The following SLAMF6 variants were observed in gnomAD, a reference collection of about 807,000 sequenced individuals.
SLAMF6 encodes the protein SLAM family member 6.
In SLAMF6, 21 loss-of-function variants were observed where a neutral mutation model predicts 38.3. The observed-to-expected ratio is 0.55, with a 90% CI of 0.39 to 0.79. The LOEUF (loss-of-function observed/expected upper bound fraction) is 0.79, where lower values mean the gene tolerates loss of function less well. SLAMF6 is among the 30% of genes least tolerant of loss of function. The probability of loss-of-function intolerance (pLI) is 0.00; values close to 1 mark genes in which losing one functional copy is unlikely to be tolerated. For missense variants in SLAMF6, 341 were observed against 385.3 expected (o/e 0.89, Z 0.96); for synonymous variants, 152 against 146.3 (o/e 1.04, Z -0.28).
In SLAMF6 at chr1:160,496,121, T is replaced by C; in HGVS notation, c.322A>G (p.Arg108Gly). Residue 108 changes from arginine to glycine, a missense_variant, in exon 2 of 8, where the codon AGA (arginine) becomes GGA (glycine). By Grantham distance (125) the Arg-to-Gly change is moderately radical. Transcript: ENST00000368057. Reference protein sequence around the residue: ...NLKMEDTGSYRAQISTKTSAK... With the variant: ...NLKMEDTGSYGAQISTKTSAK... ...GAGGTCTTTGTGGATATCTGGGCTC[T>C]GTAAGAGCCTGTGTCTTCCATCTTC... is the stretch of plus-strand genomic sequence containing the variant. The C allele has an allele frequency of 3.1e-6, 5 of 1,614,022 alleles. No homozygotes were observed. Among genetic ancestry groups the C allele is most frequent in the South Asian group, 1.1e-5 (1 of 91,086 alleles).
intron 1 of SLAMF6, among the ~76,000 whole-genome samples, chr1:160,503,720 G>A (rs546627725): frequency 5.3e-5 from 8 of 152,070 alleles, no homozygotes; most frequent in Non-Finnish European, 1.0e-4. Context: ...CACACAGAGT[G>A]AGCAAACATT....
intron 2 of SLAMF6, among the ~76,000 whole-genome samples, chr1:160,491,608 A>C (rs1448351973): frequency 1.3e-5 from 2 of 152,218 alleles, no homozygotes; most frequent in African/African-American, 4.8e-5. Flanking sequence ...GATAGTCAGC[A>C]GAAGAAGTGG....
At chr1:160,499,829 G>A (rs1653790678) in intron 1 of SLAMF6, among the ~76,000 whole-genome samples, 1 of 152,164 alleles carries the variant, frequency 6.6e-6, no homozygotes, top group Admixed American at 6.5e-5. Flanking sequence ...ATTGTCATAT[G>A]GGTTCCAGGC....
At chr1:160,494,297 C>G (rs1653451744) in intron 2 of SLAMF6, among the ~76,000 whole-genome samples, 1 of 152,138 alleles carries the variant, frequency 6.6e-6, no homozygotes, top group African/African-American at 2.4e-5. Flanking sequence ...GTGGCTGTCA[C>G]AAGATAAGTC....
At chr1:160,509,875 AT>A (rs2102055597) in intron 1 of SLAMF6, among the ~76,000 whole-genome samples, 1 of 152,276 alleles carries the variant, frequency 6.6e-6, no homozygotes, top group Non-Finnish European at 1.5e-5. Flanking sequence ...AAAGAATAAA[AT>A]AGAAAAGATT....
chr1:160,486,905 AT>A, intron 7 of SLAMF6, 151 bp from the exon 8 acceptor site: 2 of 1,015,216 alleles, frequency 2.0e-6, no homozygotes, highest in East Asian at 2.6e-5. Context: ...AAAACATGTA[AT>A]TGAAAACTCA....
intron 6 of SLAMF6, 45 bp from the exon 7 acceptor site, chr1:160,487,220 G>A: frequency 6.7e-7 from 1 of 1,483,428 alleles, no homozygotes; most frequent in Non-Finnish European, 9.3e-7. Flanking sequence ...GAGACAAAGA[G>A]ATTAATGCAT....
intron 1 of SLAMF6, among the ~76,000 whole-genome samples, chr1:160,512,476 C>A (rs575151698): frequency 1.3e-5 from 2 of 152,190 alleles, no homozygotes; most frequent in African/African-American, 2.4e-5. Context: ...GGATCCCCCC[C>A]ACCACAGCAC....
chr1:160,486,341 A>G lies in SLAMF6; in HGVS notation c.*366T>C. On this transcript the variant is annotated 3_prime_UTR_variant, in exon 8 of 8. Coordinates refer to ENST00000368057, the MANE Select transcript of SLAMF6 (RefSeq NM_001184714.2). ...ACACTGCATTATTTCTCAATAAGTCAATCCTGCTGCTTTCTAAAAGGAGAG... is the reference window on the plus strand; with the variant it reads ...ACACTGCATTATTTCTCAATAAGTCGATCCTGCTGCTTTCTAAAAGGAGAG... The G allele has an allele frequency of 4.4e-6, 1 of 227,908 alleles. No homozygotes were observed. Among genetic ancestry groups the G allele is most frequent in the Non-Finnish European group, 8.7e-6 (1 of 114,498 alleles). The allele number at this position is 227,908 out of a possible 1,614,324, so 14.1% of individuals were successfully genotyped here.
intron 1 of SLAMF6, among the ~76,000 whole-genome samples, chr1:160,498,145 C>T (rs899147800): frequency 6.6e-6 from 1 of 151,362 alleles, no homozygotes; most frequent in African/African-American, 2.4e-5. Flanking sequence ...GGACCTAGCA[C>T]CTGTTTTTTT....
rs184498167 is a variant in SLAMF6, at chr1:160,490,705, A to G, written c.647-20T>C. 3.3e-5 allele frequency: 53 copies of G among 1,610,458 alleles called. No homozygotes were observed. In the African/African-American group the frequency reaches 6.7e-4, roughly 20 times the overall value. On this transcript the variant is annotated intron_variant, in intron 3 of 7. Coordinates refer to ENST00000368057, the MANE Select transcript of SLAMF6 (RefSeq NM_001184714.2). Reference sequence around the variant, plus strand: ...TAACATCTGAAAAGAGAAAAAAGAAATGACATTTGAGACACATCAAGTGAG... The same window carrying G: ...TAACATCTGAAAAGAGAAAAAAGAAGTGACATTTGAGACACATCAAGTGAG...
chr1:160,490,303 C>T (rs2102016446), intron 4 of SLAMF6, 67 bp from the exon 5 acceptor site: 15 of 1,608,468 alleles, frequency 9.3e-6, no homozygotes, highest in Admixed American at 1.7e-5. Context: ...CCCCTAACCC[C>T]GTGAGTGTTG....
chr1:160,486,349 T>G lies in SLAMF6; in HGVS notation c.*358A>C, dbSNP rs971390529. ...TTATTTCTCAATAAGTCAATCCTGC[T>G]GCTTTCTAAAAGGAGAGAAGTGGTT... On this transcript the variant is annotated 3_prime_UTR_variant, in exon 8 of 8. Coordinates refer to ENST00000368057, the MANE Select transcript of SLAMF6 (RefSeq NM_001184714.2). 5 of 239,426 alleles carry G rather than the reference T, an allele frequency of 2.1e-5. No homozygotes were observed. The highest frequency in any genetic ancestry group is 4.1e-5 in the Non-Finnish European group (5 of 121,316). 14.8% of individuals were successfully genotyped at this position (239,426 alleles called of 1,614,324 possible). A position where few individuals can be genotyped will look rare whatever the true frequency, so the allele number is the denominator to read the frequency against.
chr1:160,487,180 A>G lies in SLAMF6; in HGVS notation c.880-5T>C, dbSNP rs746551908. On this transcript the variant is annotated splice_region_variant and splice_polypyrimidine_tract_variant and intron_variant, in intron 6 of 7. Transcript: ENST00000368057. ...AGGTGTCCAGATTTCTGTTTCCTGT[A>G]AAAAGAATCATACCAATTTGGCTTA... 2.5e-6 allele frequency: 4 copies of G among 1,612,216 alleles called. No individual in the cohort carries two copies. Among genetic ancestry groups the G allele is most frequent in the South Asian group, 1.1e-5 (1 of 90,880 alleles).
Position 160,489,185 on chromosome 1 carries a change from A to G in SLAMF6, c.797-15T>C, listed in dbSNP as rs751470262. 6.2e-7 allele frequency: 1 copy of G among 1,613,712 alleles called. No homozygotes were observed. Among genetic ancestry groups the G allele is most frequent in the Non-Finnish European group, 8.5e-7 (1 of 1,179,706 alleles). On this transcript the variant is annotated splice_polypyrimidine_tract_variant and intron_variant, in intron 5 of 7. Coordinates refer to ENST00000368057, the MANE Select transcript of SLAMF6 (RefSeq NM_001184714.2). ...TGCGGACTCTGCTGTTAACATAGGA[A>G]GGCACAGTCAATGGCACAAGGACTC...
chr1:160,487,250 A>G, intron 6 of SLAMF6, 75 bp from the exon 7 acceptor site: 1 of 1,318,030 alleles, frequency 7.6e-7, no homozygotes, highest in Non-Finnish European at 1.1e-6. Context: ...CTTAGGAAAG[A>G]CTGTGTGACA....
chr1:160,490,277 T>A (rs775408558), intron 4 of SLAMF6, 41 bp from the exon 5 acceptor site: 3 of 1,612,324 alleles, frequency 1.9e-6, no homozygotes, highest in Non-Finnish European at 2.5e-6. Flanking sequence ...GTGACAGCAG[T>A]GGGAGAGGCA....
At chr1:160,520,960 C>T (rs1654958724) in intron 1 of SLAMF6, among the ~76,000 whole-genome samples, 1 of 152,144 alleles carries the variant, frequency 6.6e-6, no homozygotes, top group African/African-American at 2.4e-5. Context: ...CTTTTCACAC[C>T]CTTTAAATAT....
intron 2 of SLAMF6, among the ~76,000 whole-genome samples, chr1:160,493,473 A>G (rs1557936438): frequency 1.3e-5 from 2 of 152,100 alleles, no homozygotes; most frequent in Admixed American, 6.6e-5. Flanking sequence ...ACTTGTTTAT[A>G]TGTTATGTGA....
Sources: gnomAD v4.1 joint callset for allele counts (sites outside exome capture counted in the v4.1 genomes callset) on GRCh38, gnomAD v4.1.1 for gene constraint, MANE v1.5 for transcripts, NCBI Gene and HGNC (gene_info 2026-07-23, HGNC 2026-07-21) for gene names.